Variants in KIAA0586 observed in about 807,000 individuals in gnomAD.
KIAA0586 encodes the protein KIAA0586, also known as protein TALPID3.
In KIAA0586, 144 loss-of-function variants were observed where a neutral mutation model predicts 169.8. The observed-to-expected ratio is 0.85, with a 90% CI of 0.74 to 0.97. The LOEUF is 0.97. Among genes scored for constraint, KIAA0586 ranks in the 50% least tolerant of loss-of-function variants. The probability of loss-of-function intolerance (pLI) is 0.00; values close to 1 mark genes in which losing one functional copy is unlikely to be tolerated. For synonymous variants in KIAA0586, 625 were observed against 612.4 expected (o/e 1.02, Z -0.30); for missense variants, 1,854 against 1,823.0 (o/e 1.02, Z -0.31).
At chr14:58,556,953 C>T in the KIAA0586 span, among the ~76,000 whole-genome samples, 4 of 152,170 alleles carry the variant, frequency 2.6e-5, no homozygotes, top group African/African-American at 7.2e-5. Context: ...CCCTGTTGGT[C>T]AGGCTGGTCT....
intron 29 of KIAA0586, among the ~76,000 whole-genome samples, chr14:58,514,337 C>T (rs1159991468): frequency 1.3e-5 from 2 of 152,020 alleles, no homozygotes; most frequent in African/African-American, 4.8e-5. Context: ...TCAATCCTCT[C>T]ATACATAGAA....
Position 58,457,807 on chromosome 14 carries a change from T to C in KIAA0586, c.1411T>C (p.Ser471Pro). 1 of 1,607,788 alleles carries C rather than the reference T, an allele frequency of 6.2e-7. No individual in the cohort carries two copies. Among genetic ancestry groups the C allele is most frequent in the Non-Finnish European group, 8.5e-7 (1 of 1,176,880 alleles). ...MLKLPDLPQN[S>P]VKLQTTNTTR... ...GAAGCTTCCAGATCTTCCACAGAAT[T>C]CTGTTAAGCTTCAAACAACCAATAC... The change falls in exon 11 of 31, where the codon TCT (serine) becomes CCT (proline). Residue 471 changes from serine to proline, a missense_variant. Coordinates refer to ENST00000652326, the MANE Select transcript of KIAA0586 (RefSeq NM_001329943.3).
intron 29 of KIAA0586, chr14:58,537,107 A>C: frequency 8.1e-7 from 1 of 1,232,614 alleles, no homozygotes; most frequent in Admixed American, 2.8e-5. Flanking sequence ...TGTTTTAATC[A>C]TCAACTGCAG....
chr14:58,435,350 A>G (rs528066016), intron 4 of KIAA0586, among the ~76,000 whole-genome samples: 1 of 152,324 alleles, frequency 6.6e-6, no homozygotes, highest in East Asian at 1.9e-4. Flanking sequence ...TATTTTTTAA[A>G]TTGACAAATA....
At chr14:58,496,329 G>A (rs2043155677) in intron 26 of KIAA0586, among the ~76,000 whole-genome samples, 1 of 152,178 alleles carries the variant, frequency 6.6e-6, no homozygotes, top group African/African-American at 2.4e-5. Context: ...GTCTTCAGTA[G>A]GGTCATAGAG....
chr14:58,475,261 T>C (rs773254081), intron 19 of KIAA0586, among the ~76,000 whole-genome samples: 2 of 152,166 alleles, frequency 1.3e-5, no homozygotes, highest in Admixed American at 1.3e-4. Context: ...TTAGATTTCA[T>C]AGAAGCACAA....
chr14:58,444,171 T>G lies in KIAA0586; in HGVS notation c.803T>G (p.Ile268Ser). The change falls in exon 6 of 31, where the codon ATT becomes AGT. Residue 268 changes from isoleucine to serine, a missense_variant. By Grantham distance (142) the Ile-to-Ser change is moderately radical (BLOSUM62 -2). Coordinates refer to ENST00000652326, the MANE Select transcript of KIAA0586 (RefSeq NM_001329943.3). ...AAGTTACAACAACAACAAATAGATA[T>G]TCAGGTATCTGTAATAAATCCAGTA... ...LEKLQQQQID[I>S]QTHFISAALK... 1 of 1,585,864 alleles carries G rather than the reference T, an allele frequency of 6.3e-7. No individual in the cohort carries two copies. Among genetic ancestry groups the G allele is most frequent in the Non-Finnish European group, 8.7e-7 (1 of 1,155,092 alleles).
rs527355918 is a variant in KIAA0586 at position 58,482,038 on chromosome 14, T to A, written c.2945-475T>A. On this transcript the variant is annotated intron_variant, in intron 20 of 30. Transcript: ENST00000652326. The stretch of plus-strand genomic sequence containing the variant: ...CATGTTAGCCAGGATGGTCTCAATC[T>A]CCTGACCTCATGATCCACCAGCCTT... Among the ~76,000 whole-genome samples, 14 of 150,420 alleles carry A rather than the reference T, an allele frequency of 9.3e-5. No individual in the cohort carries two copies. The South Asian group carries it at 3.1e-3, about 33-fold the overall frequency.
At chr14:58,439,217 C>T (rs771958842) in intron 4 of KIAA0586, among the ~76,000 whole-genome samples, 2 of 151,352 alleles carry the variant, frequency 1.3e-5, no homozygotes, top group African/African-American at 4.9e-5. Flanking sequence ...GACGGAGTCT[C>T]GCTCTATTGC....
At chr14:58,484,924 A>ATATTTATATTTT (rs1566877360) in intron 21 of KIAA0586, among the ~76,000 whole-genome samples, 1 of 13,048 alleles carries the variant, frequency 7.7e-5, no homozygotes, top group African/African-American at 3.1e-4. Context: ...ATATATATAT[A>ATATTTATATTTT]TTTTTTTTTT....
chr14:58,535,748 A>G (rs940868839), intron 29 of KIAA0586, among the ~76,000 whole-genome samples: 2 of 150,122 alleles, frequency 1.3e-5, no homozygotes, highest in East Asian at 1.9e-4. Context: ...AAATGTAGCT[A>G]TCCTGACTGT....
downstream of KIAA0586, among the ~76,000 whole-genome samples, chr14:58,555,879 T>C (rs1214624597): frequency 6.6e-6 from 1 of 152,200 alleles, no homozygotes; most frequent in Non-Finnish European, 1.5e-5. Flanking sequence ...TAGATGTCAA[T>C]TTGATGGAAC....
At chr14:58,541,765 T>A (rs2046649464) in intron 30 of KIAA0586, among the ~76,000 whole-genome samples, 1 of 152,210 alleles carries the variant, frequency 6.6e-6, no homozygotes, top group Admixed American at 6.5e-5. Flanking sequence ...TATTAAATTA[T>A]GTCTCAGGAA....
At chr14:58,500,578 G>A (rs1265032582) in intron 27 of KIAA0586, among the ~76,000 whole-genome samples, 1 of 152,096 alleles carries the variant, frequency 6.6e-6, no homozygotes, top group African/African-American at 2.4e-5. Context: ...AGTGGCAGAT[G>A]CCTGTAATCT....
chr14:58,558,260 A>C, the KIAA0586 span, among the ~76,000 whole-genome samples: 5 of 152,140 alleles, frequency 3.3e-5, no homozygotes, highest in African/African-American at 9.7e-5. Context: ...AAAATGAAAT[A>C]GTTTTCATTC....
chr14:58,503,241 A>G (rs927890996), intron 27 of KIAA0586, among the ~76,000 whole-genome samples: 5 of 152,244 alleles, frequency 3.3e-5, no homozygotes, highest in Admixed American at 6.5e-5. Flanking sequence ...TTCAAAGATG[A>G]TAGATATCTG....
chr14:58,505,433 C>T (rs2043871392), intron 27 of KIAA0586, among the ~76,000 whole-genome samples: 1 of 152,160 alleles, frequency 6.6e-6, no homozygotes, highest in African/African-American at 2.4e-5. Context: ...ACACATCCTA[C>T]CAGATTGTTG....
At chr14:58,476,542 C>T (rs527938164) in intron 19 of KIAA0586, among the ~76,000 whole-genome samples, 1 of 151,982 alleles carries the variant, frequency 6.6e-6, no homozygotes, top group Non-Finnish European at 1.5e-5. Flanking sequence ...TGGCCCAAGT[C>T]TTATTTTGAG....
rs551378883 is a variant in KIAA0586 at position 58,430,073 on chromosome 14, A to G, written c.271-575A>G. 9.9e-5 allele frequency among the ~76,000 whole-genome samples: 15 copies of G among 152,230 alleles called. No homozygotes were observed. The East Asian group carries it at 2.9e-3, about 29-fold the overall frequency. ...ATAATTCAATTGAGACTATATGACA[A>G]TTTTGTCAAAAGCTCACAATAAAAT... On this transcript the variant is annotated intron_variant, in intron 2 of 30. Coordinates refer to ENST00000652326, the MANE Select transcript of KIAA0586 (RefSeq NM_001329943.3).
Sources: gnomAD v4.1 joint callset for allele counts (sites outside exome capture counted in the v4.1 genomes callset) on GRCh38, gnomAD v4.1.1 for gene constraint, MANE v1.5 for transcripts, NCBI Gene and HGNC (gene_info 2026-07-23, HGNC 2026-07-21) for gene names.